FAT2: variants seen among roughly 807,000 people sequenced by gnomAD.
FAT2 encodes the protein protocadherin Fat 2.
FAT2 carries 150 observed loss-of-function variants against 295.3 expected under a neutral mutation model. The observed-to-expected ratio is 0.51, with a 90% CI of 0.44 to 0.58. The LOEUF is 0.58. Among genes scored for constraint, FAT2 ranks in the 20% least tolerant of loss-of-function variants. The pLI, the probability that FAT2 is intolerant of heterozygous loss-of-function variation, is 0.00. For missense variants in FAT2, 4,868 were observed against 5,442.7 expected, an observed-to-expected ratio of 0.89 and a Z score of 3.32; for synonymous variants, 2,026 against 2,150.3, an observed-to-expected ratio of 0.94 and a Z score of 1.60.
chr5:151,523,754 A>T (rs932017898), intron 18 of FAT2, among the ~76,000 whole-genome samples: 10 of 152,208 alleles, frequency 6.6e-5, no homozygotes, highest in Admixed American at 3.3e-4. Context: ...TGCCAACTCC[A>T]ATTCCCAGCT....
At chr5:151,525,352 C>G (rs1203034228) in intron 18 of FAT2, among the ~76,000 whole-genome samples, 4 of 152,202 alleles carry the variant, frequency 2.6e-5, no homozygotes, top group Admixed American at 2.6e-4. Context: ...CAAGCCAGTT[C>G]TCTGAGGTAG....
intron 1 of FAT2, among the ~76,000 whole-genome samples, chr5:151,569,249 C>T (rs1758429006): frequency 6.6e-6 from 1 of 152,186 alleles, no homozygotes; most frequent in Non-Finnish European, 1.5e-5. Context: ...GTTTAATGGA[C>T]TCACCGTTCC....
At chr5:151,530,804 A>T (rs1400242011) in intron 14 of FAT2, among the ~76,000 whole-genome samples, 1 of 152,240 alleles carries the variant, frequency 6.6e-6, no homozygotes, top group Non-Finnish European at 1.5e-5. Flanking sequence ...GCCAAAGGGT[A>T]AAGAGGAAAC....
chr5:151,522,463 A>G (rs1351534466), intron 18 of FAT2, among the ~76,000 whole-genome samples: 1 of 152,158 alleles, frequency 6.6e-6, no homozygotes, highest in African/African-American at 2.4e-5. Flanking sequence ...TGTCTCAGCA[A>G]TTCTGATGCA....
chr5:151,558,211 A>G (rs1054573318), intron 3 of FAT2, among the ~76,000 whole-genome samples: 2 of 152,234 alleles, frequency 1.3e-5, no homozygotes, highest in African/African-American at 4.8e-5. Flanking sequence ...GACACAATCC[A>G]TATAAGGGAA....
chr5:151,534,970 A>ATATATATATATATATATATAT (rs1755078921), intron 12 of FAT2, among the ~76,000 whole-genome samples: 30 of 106,402 alleles, frequency 2.8e-4, no homozygotes, highest in Non-Finnish European at 4.3e-4. Flanking sequence ...CTTCTAGGAA[A>ATATATATATATATATATATAT]ATATATATAT....
chr5:151,532,141 G>T (rs1754701448), intron 13 of FAT2, among the ~76,000 whole-genome samples, 171 bp from the exon 14 acceptor site: 1 of 152,332 alleles, frequency 6.6e-6, no homozygotes, highest in East Asian at 1.9e-4. Flanking sequence ...CTTGACTGGG[G>T]CAGGGAGACC....
In FAT2 at chr5:151,510,392, C is replaced by T. The variant is rs570707401; in HGVS notation, c.11906-218G>A. 8.2e-5 allele frequency: 43 copies of T among 525,660 alleles called. No homozygotes were observed. In the East Asian group the frequency reaches 9.3e-4, roughly 11 times the overall value. 32.6% of individuals were successfully genotyped at this position (525,660 alleles called of 1,614,324 possible). A position where few individuals can be genotyped will look rare whatever the true frequency, so the allele number is the denominator to read the frequency against. On this transcript the variant is annotated intron_variant, in intron 21 of 23. Coordinates refer to ENST00000261800, the MANE Select transcript of FAT2 (RefSeq NM_001447.3). ...ACAGCTTACAGCCCACCAGAGACAA[C>T]AGTCACCTAAAGAACAGTAATAAAC...
In FAT2 at chr5:151,544,769, G is replaced by C; in HGVS notation, c.6358C>G (p.Pro2120Ala). 1.2e-6 allele frequency: 2 copies of C among 1,614,142 alleles called. No homozygotes were observed. ...TTGAGTGATATGTCCCCAAGATAGG[G>C]GTCAATTCGGAAATATGTGTAATCT... is the stretch of plus-strand genomic sequence containing the variant. ...AEDYTYFRIDPYLGDISLKKP... is the reference protein window; with the variant it reads ...AEDYTYFRIDAYLGDISLKKP... Residue 2120 changes from proline (P) to alanine (A), a missense_variant, in exon 10 of 24, where the codon CCC becomes GCC. Physicochemically the swap from Pro to Ala is conservative, Grantham distance 27 (BLOSUM62 -1). Coordinates refer to ENST00000261800, the MANE Select transcript of FAT2 (RefSeq NM_001447.3).
Position 151,591,289 on chromosome 5 carries a change from C to CCGCAG in FAT2, c.-150_-146dup, listed in dbSNP as rs1344573327. Among the ~76,000 whole-genome samples the CCGCAG allele has an allele frequency of 6.6e-6, 1 of 152,176 alleles. No homozygotes were observed. Among genetic ancestry groups the CCGCAG allele is most frequent in the African/African-American group, 2.4e-5 (1 of 41,444 alleles). On this transcript the variant is annotated 5_prime_UTR_variant, in exon 1 of 24. Transcript: ENST00000261800. ...GACTCGGAGCAGGAAGGCGCGCAGC[C>CCGCAG]CGCAGCCGGAGAGGCTGCTGAGAAA... is the stretch of plus-strand genomic sequence containing the variant.
intron 1 of FAT2, among the ~76,000 whole-genome samples, chr5:151,575,032 G>A (rs1294307676): frequency 1.3e-5 from 2 of 152,242 alleles, no homozygotes; most frequent in East Asian, 3.8e-4. Flanking sequence ...GAGGAAAGAT[G>A]CAGAGTAACA....
At chr5:151,522,226 A>AT in intron 18 of FAT2, 140 bp from the exon 19 acceptor site, 1 of 596,608 alleles carries the variant, frequency 1.7e-6, no homozygotes, top group Non-Finnish European at 2.8e-6. Context: ...TGTTGCATTT[A>AT]GAAAAAAAAA....
Position 151,545,259 on chromosome 5 carries a change from A to T in FAT2, c.5868T>A (p.Ile1956=). Residue 1956 remains isoleucine, a synonymous_variant, in exon 10 of 24, where the codon ATT becomes ATA. Coordinates refer to ENST00000261800, the MANE Select transcript of FAT2 (RefSeq NM_001447.3). ...TTTTGTCAAGCACTTGGGTCAAAGAAATTTTTACCAGCGCAGTGTCTTGAT... is the reference window on the plus strand; with the variant it reads ...TTTTGTCAAGCACTTGGGTCAAAGATATTTTTACCAGCGCAGTGTCTTGAT... The part of the protein sequence containing the change: ...GLYQDTALVK[I]SLTQVLDKSL... 6.2e-7 allele frequency: 1 copy of T among 1,614,142 alleles called. No homozygotes were observed. Among genetic ancestry groups the T allele is most frequent in the Non-Finnish European group, 8.5e-7 (1 of 1,180,010 alleles).
rs2127621906 is a variant in FAT2 at position 151,550,717 on chromosome 5, G to T, written c.4451C>A (p.Thr1484Asn). The T allele has an allele frequency of 6.2e-7, 1 of 1,614,164 alleles. No individual in the cohort carries two copies. The highest frequency in any genetic ancestry group is 8.5e-7 in the Non-Finnish European group (1 of 1,180,042). The change falls in exon 8 of 24, where the codon ACC becomes AAC. Residue 1484 changes from threonine (T) to asparagine (N), a missense_variant. Physicochemically the swap from Thr to Asn is moderately conservative, Grantham distance 65. This residue lies in a region of FAT2 where 3,297 missense variants were observed against 3,669.4 expected (regional missense o/e 0.90). Coordinates refer to ENST00000261800, the MANE Select transcript of FAT2 (RefSeq NM_001447.3). The stretch of plus-strand genomic sequence containing the variant: ...TCCTGGGTCTTGGCTGCCATGTATG[G>T]TATAGATGAGGCTTTTGCCCTTGTC... ...DQDKGKSLIY[T>N]IHGSQDPGSA...
chr5:151,534,492 G>C lies in FAT2; in HGVS notation c.9344C>G (p.Pro3115Arg). The change falls in exon 13 of 24, where the codon CCC (proline) becomes CGC (arginine). Residue 3115 changes from proline to arginine, a missense_variant. Coordinates refer to ENST00000261800, the MANE Select transcript of FAT2 (RefSeq NM_001447.3). ...GAAGACAGCCACAGCACAGTGGCTG[G>C]GGAAGAACCGCGGGGCATTGTCATT... ...DVNDNAPRFFPSHCAVAVFDN... is the reference protein window; with the variant it reads ...DVNDNAPRFFRSHCAVAVFDN... 1.2e-6 allele frequency: 2 copies of C among 1,614,068 alleles called. No homozygotes were observed. The highest frequency in any genetic ancestry group is 1.1e-5 in the South Asian group (1 of 91,054).
At chr5:151,557,985 C>A (rs1448276395) in intron 3 of FAT2, among the ~76,000 whole-genome samples, 1 of 152,170 alleles carries the variant, frequency 6.6e-6, no homozygotes, top group Non-Finnish European at 1.5e-5. Context: ...CGCCTTGACT[C>A]CAGGAAGCTC....
intron 3 of FAT2, among the ~76,000 whole-genome samples, chr5:151,561,186 A>G (rs189358792): frequency 6.6e-6 from 1 of 152,316 alleles, no homozygotes; most frequent in East Asian, 1.9e-4. Context: ...AAGAGCGGGA[A>G]TTGACCAGAC....
Position 151,505,619 on chromosome 5 carries a change from C to G in FAT2, c.12996G>C (p.Glu4332Asp). The G allele has an allele frequency of 6.2e-7, 1 of 1,614,172 alleles. No homozygotes were observed. Among genetic ancestry groups the G allele is most frequent in the Non-Finnish European group, 8.5e-7 (1 of 1,180,028 alleles). Residue 4332 changes from glutamate (E) to aspartate (D), a missense_variant, in exon 24 of 24, where the codon GAG (glutamate) becomes GAC (aspartate). Transcript: ENST00000261800. ...AATCACTCTCCACCATGTCAGAGCCCTCATAGTTGGGGGGCACCCGGGGCT... is the reference window on the plus strand; with the variant it reads ...AATCACTCTCCACCATGTCAGAGCCGTCATAGTTGGGGGGCACCCGGGGCT... ...QGQPRVPPNY[E>D]GSDMVESDYG...
In FAT2 at chr5:151,542,533, C is replaced by A; in HGVS notation, c.8594G>T (p.Cys2865Phe). Residue 2865 changes from cysteine (C) to phenylalanine (F), a missense_variant, in exon 10 of 24, where the codon TGT (cysteine) becomes TTT (phenylalanine). Cys to Phe is a radical substitution (Grantham distance 205). Transcript: ENST00000261800. Reference protein sequence around the residue: ...GWITTLQELDCETCQTYHFHV... With the variant: ...GWITTLQELDFETCQTYHFHV... ...AAAATGATAAGTCTGGCAGGTCTCA[C>A]AGTCAAGTTCCTGGAGTGTGGTGAT... 6.2e-7 allele frequency: 1 copy of A among 1,614,200 alleles called. No individual in the cohort carries two copies. Among genetic ancestry groups the A allele is most frequent in the Non-Finnish European group, 8.5e-7 (1 of 1,180,044 alleles).
Sources: gnomAD v4.1 joint callset for allele counts (sites outside exome capture counted in the v4.1 genomes callset) on GRCh38, gnomAD v4.1.1 for gene constraint, gnomAD v4.1.1 regional missense constraint, MANE v1.5 for transcripts, NCBI Gene and HGNC (gene_info 2026-07-23, HGNC 2026-07-21) for gene names.